The following SLC38A11 variants were observed in gnomAD, a reference collection of about 807,000 sequenced individuals.
SLC38A11 encodes the protein solute carrier family 38 member 11, also known as putative sodium-coupled neutral amino acid transporter 11.
Under a neutral mutation model 49.4 loss-of-function variants are expected in SLC38A11, and 51 were observed. The ratio of observed to expected loss-of-function variants is 1.03; its 90% CI spans 0.83 to 1.30. The LOEUF (loss-of-function observed/expected upper bound fraction) is 1.30. Ranked by LOEUF, SLC38A11 falls within the 50% of genes most tolerant of loss-of-function variation. The pLI is 0.00. For missense variants in SLC38A11, 574 were observed against 556.2 expected (o/e 1.03, Z -0.32); for synonymous variants, 203 against 192.9 (o/e 1.05, Z -0.43).
intron 5 of SLC38A11, among the ~76,000 whole-genome samples, chr2:164,943,275 T>C (rs937138869): frequency 6.6e-6 from 1 of 152,200 alleles, no homozygotes; most frequent in Non-Finnish European, 1.5e-5. Flanking sequence ...AGCAATATGT[T>C]GAAAAGGTCT....
intron 3 of SLC38A11, among the ~76,000 whole-genome samples, chr2:164,952,397 G>A (rs1002381357): frequency 2.0e-5 from 3 of 152,120 alleles, no homozygotes; most frequent in African/African-American, 7.2e-5. Flanking sequence ...GAGCACAGTC[G>A]TCTCTTAGCC....
intron 10 of SLC38A11, among the ~76,000 whole-genome samples, chr2:164,909,764 G>C (rs1685268199): frequency 6.6e-6 from 1 of 151,990 alleles, no homozygotes; most frequent in Non-Finnish European, 1.5e-5. Flanking sequence ...GTGAGACAAA[G>C]AGTTGGAAAT....
chr2:164,936,880 A>C (rs1020496484), intron 7 of SLC38A11, among the ~76,000 whole-genome samples: 1 of 152,198 alleles, frequency 6.6e-6, no homozygotes, highest in Non-Finnish European at 1.5e-5. Context: ...CACCACTATC[A>C]GTTTTTATCC....
At chr2:164,947,324 G>A (rs1688201442) in intron 3 of SLC38A11, among the ~76,000 whole-genome samples, 1 of 151,676 alleles carries the variant, frequency 6.6e-6, no homozygotes, top group Non-Finnish European at 1.5e-5. Flanking sequence ...CAGAGACGGG[G>A]TTTTGCCACG....
rs1156250709 is a variant in SLC38A11 at position 164,896,350 on chromosome 2, A to C, written c.*2087T>G. ...CGCTCAGTTCCTACCAGGAGCTTTC[A>C]TCTACTTGAAGAGTATGAAGCAACA... On this transcript the variant is annotated 3_prime_UTR_variant, in exon 12 of 12. Coordinates refer to ENST00000685975, the MANE Select transcript of SLC38A11 (RefSeq NM_001351537.2). 1 of 152,186 alleles carries C rather than the reference A, an allele frequency of 6.6e-6. No individual in the cohort carries two copies. Among genetic ancestry groups the C allele is most frequent in the Non-Finnish European group, 1.5e-5 (1 of 68,024 alleles). 9.4% of individuals were successfully genotyped at this position (152,186 alleles called of 1,614,324 possible).
At chr2:164,940,791 G>A (rs1034696981) in intron 5 of SLC38A11, among the ~76,000 whole-genome samples, 1 of 150,964 alleles carries the variant, frequency 6.6e-6, no homozygotes, top group African/African-American at 2.4e-5. Flanking sequence ...TATTATATAT[G>A]TGGAATGGAA....
At chr2:164,947,465 T>G (rs56961473) in intron 3 of SLC38A11, among the ~76,000 whole-genome samples, 33,116 of 152,022 alleles carry the variant, frequency 0.22, 3,792 homozygotes, top group Middle Eastern at 0.37. Flanking sequence ...ACTAGTGTGA[T>G]CTCACTTATG....
At chr2:164,929,076 A>G (rs1840328) in intron 7 of SLC38A11, among the ~76,000 whole-genome samples, 81,385 of 151,886 alleles carry the variant, frequency 0.54, 22,030 homozygotes, top group East Asian at 0.69. Context: ...TCATTCATAG[A>G]TGTTCTTCAT....
chr2:164,941,963 G>A (rs1687797041), intron 5 of SLC38A11, among the ~76,000 whole-genome samples: 2 of 152,012 alleles, frequency 1.3e-5, no homozygotes. Context: ...AGGAAGGAAG[G>A]AAGAGGAAAA....
chr2:164,914,523 T>A (rs1440874928), intron 9 of SLC38A11, among the ~76,000 whole-genome samples: 2 of 151,818 alleles, frequency 1.3e-5, no homozygotes, highest in South Asian at 4.1e-4. Context: ...AAGAAAGGTC[T>A]GGGTTAGAAT....
At chr2:164,927,973 G>T (rs1350859534) in intron 7 of SLC38A11, among the ~76,000 whole-genome samples, 2 of 152,122 alleles carry the variant, frequency 1.3e-5, no homozygotes, top group Non-Finnish European at 2.9e-5. Context: ...TCAAAGAACA[G>T]GTTCATCCAT....
At chr2:164,906,864 T>C (rs1285852280) in intron 11 of SLC38A11, among the ~76,000 whole-genome samples, 2 of 152,138 alleles carry the variant, frequency 1.3e-5, no homozygotes, top group Non-Finnish European at 2.9e-5. Context: ...CCTGCCTTTG[T>C]ATGGAATTTC....
chr2:164,926,928 G>C (rs893986459), intron 7 of SLC38A11, among the ~76,000 whole-genome samples: 7 of 150,874 alleles, frequency 4.6e-5, no homozygotes, highest in Non-Finnish European at 1.0e-4. Context: ...CGAGTTAATG[G>C]GTGCAGCACA....
At chr2:164,919,964 C>T (rs1024419921) in intron 7 of SLC38A11, among the ~76,000 whole-genome samples, 3 of 151,966 alleles carry the variant, frequency 2.0e-5, no homozygotes, top group East Asian at 1.9e-4. Context: ...GCCTAGTGTA[C>T]GCCCCCTGCC....
chr2:164,908,440 T>G (rs1685169363), intron 11 of SLC38A11, among the ~76,000 whole-genome samples, 200 bp downstream of exon 11: 1 of 152,120 alleles, frequency 6.6e-6, no homozygotes, highest in African/African-American at 2.4e-5. Context: ...CATATGTCTC[T>G]AAACAACCAC....
intron 11 of SLC38A11, among the ~76,000 whole-genome samples, chr2:164,899,451 C>T (rs1206095177): frequency 6.6e-6 from 1 of 152,006 alleles, no homozygotes; most frequent in African/African-American, 2.4e-5. Flanking sequence ...TATAAAAATA[C>T]CAACAGCTAT....
intron 2 of SLC38A11, chr2:164,953,355 T>A (rs1178131477): frequency 6.6e-6 from 1 of 152,206 alleles, no homozygotes; most frequent in Non-Finnish European, 1.5e-5. Flanking sequence ...TTATGGACAA[T>A]AAAATATTTA....
At chr2:164,944,665 A>C in intron 4 of SLC38A11, 31 bp from the exon 5 acceptor site, 1 of 879,360 alleles carries the variant, frequency 1.1e-6, no homozygotes, top group Non-Finnish European at 1.6e-6. Context: ...AGAGTCATCA[A>C]TAAGCCATCT....
rs1412855606 is a variant in SLC38A11, at chr2:164,895,342, A to T, written c.*3095T>A. 1.3e-5 allele frequency among the ~76,000 whole-genome samples: 2 copies of T among 152,158 alleles called. No homozygotes were observed. The highest frequency in any genetic ancestry group is 2.9e-5 in the Non-Finnish European group (2 of 68,016). ...ATTATTATCCTTGCCACAGTTAGTA[A>T]AGCATTCATGGGTACCCTCACTGAT... On this transcript the variant is annotated 3_prime_UTR_variant, in exon 12 of 12. Coordinates refer to ENST00000685975, the MANE Select transcript of SLC38A11 (RefSeq NM_001351537.2).
Sources: gnomAD v4.1 joint callset for allele counts (sites outside exome capture counted in the v4.1 genomes callset) on GRCh38, gnomAD v4.1.1 for gene constraint, MANE v1.5 for transcripts, NCBI Gene and HGNC (gene_info 2026-07-23, HGNC 2026-07-21) for gene names.